The following DNAH17 variants were observed in gnomAD, a reference collection of about 807,000 sequenced individuals.
DNAH17 encodes axonemal beta dynein heavy chain 17.
A neutral mutation model predicts 485.6 loss-of-function variants in DNAH17; 376 were observed. The ratio of observed to expected loss-of-function variants is 0.77; its 90% CI spans 0.71 to 0.84. DNAH17 has a LOEUF of 0.84. DNAH17 is among the 40% of genes least tolerant of loss of function. The probability of loss-of-function intolerance (pLI) is 0.00; values close to 1 mark genes in which losing one functional copy is unlikely to be tolerated. For missense variants in DNAH17, 6,370 were observed against 5,839.3 expected (o/e 1.09, Z -2.96); for synonymous variants, 3,031 against 2,405.9 (o/e 1.26, Z -7.60).
chr17:78,549,994 C>T (rs2091862683), intron 16 of DNAH17, among the ~76,000 whole-genome samples: 1 of 152,112 alleles, frequency 6.6e-6, no homozygotes, highest in African/African-American at 2.4e-5. Flanking sequence ...GACAGAGACC[C>T]CTTGGCATGA....
In DNAH17 at chr17:78,552,791, C is replaced by CA. The variant is rs762293291; in HGVS notation, c.2192dup (p.Lys732GlufsTer16). On this transcript the variant is annotated frameshift_variant, in exon 15 of 81. Transcript: ENST00000389840. LOFTEE classifies it high-confidence loss of function. ...TTATTAGTAGAAATTCTACTGCCTT[C>CA]ACTATAGTCTTTATCTGAAAAACAG... The CA allele has an allele frequency of 9.9e-6, 16 of 1,610,496 alleles. No individual in the cohort carries two copies. The highest frequency in any genetic ancestry group is 1.4e-5 in the Non-Finnish European group (16 of 1,176,684).
rs572110396 is a variant in DNAH17 at position 78,507,562 on chromosome 17, G to T, written c.4480C>A (p.Arg1494=). ...SVISIWFEVQ[R]TWSHLESIFI... ...ATGCTCTCCAGGTGGCTCCAGGTTC[G>T]CTGGACCTCAAACCAGATGGAGATG... Residue 1494 remains arginine (R), a synonymous_variant, in exon 28 of 81, where the codon CGA becomes AGA. Transcript: ENST00000389840. The T allele has an allele frequency of 1.2e-6, 2 of 1,614,032 alleles. No homozygotes were observed. Among genetic ancestry groups the T allele is most frequent in the African/African-American group, 1.3e-5 (1 of 75,052 alleles).
intron 16 of DNAH17, among the ~76,000 whole-genome samples, chr17:78,546,222 G>A (rs1040960194): frequency 1.3e-4 from 20 of 152,152 alleles, no homozygotes; most frequent in African/African-American, 2.7e-4. Context: ...CATTGAGCTC[G>A]GCTGTGAGAA....
At chr17:78,542,995 C>T (rs926936867) in intron 17 of DNAH17, among the ~76,000 whole-genome samples, 4 of 152,176 alleles carry the variant, frequency 2.6e-5, no homozygotes, top group Non-Finnish European at 5.9e-5. Context: ...TTGTGCTGGG[C>T]GAGGGCTCTG....
At chr17:78,550,282 T>C (rs1213784123) in intron 16 of DNAH17, among the ~76,000 whole-genome samples, 1 of 18,122 alleles carries the variant, frequency 5.5e-5, no homozygotes, top group East Asian at 1.4e-3. Context: ...AACGAAGAAC[T>C]CTGCACGCCC....
At position 78,568,440 on chromosome 17, in the gene DNAH17, CTTT is replaced by C. The variant is rs370677978; in HGVS notation, c.1284+723_1284+725del. Among the ~76,000 whole-genome samples the C allele has an allele frequency of 3.3e-3, 496 of 152,228 alleles. 3 individuals carry two copies. Among genetic ancestry groups the C allele is most frequent in the African/African-American group, 0.012 (479 of 41,520 alleles). ...TTTACAGTTCCAGGATGATTTTCCC[CTTT>C]TTTAAGGATGTGAGTTATACAGTTA... is the stretch of plus-strand genomic sequence containing the variant. On this transcript the variant is annotated intron_variant, in intron 9 of 80. Transcript: ENST00000389840.
chr17:78,501,301 T>C lies in DNAH17; in HGVS notation c.5366A>G (p.His1789Arg). ...GTGTCGCTTCTCTTCGTCCCAGCGA[T>C]GCCGGAGCTGGGCCTGCCAGGTGAA... ...QAFTWQAQLRHRWDEEKRHCF... is the reference protein window; with the variant it reads ...QAFTWQAQLRRRWDEEKRHCF... The change falls in exon 35 of 81, where the codon CAT (histidine) becomes CGT (arginine). Residue 1789 changes from histidine (H) to arginine (R), a missense_variant. Coordinates refer to ENST00000389840, the MANE Select transcript of DNAH17 (RefSeq NM_173628.4). The C allele has an allele frequency of 6.2e-7, 1 of 1,606,004 alleles. No individual in the cohort carries two copies. The highest frequency in any genetic ancestry group is 1.1e-5 in the South Asian group (1 of 90,734).
intron 22 of DNAH17, 102 bp downstream of exon 22, chr17:78,529,370 C>A (rs1645858306): frequency 1.7e-6 from 2 of 1,154,506 alleles, no homozygotes; most frequent in Middle Eastern, 4.2e-4. Context: ...GGATCTAGCC[C>A]ACAGCATCCC....
At chr17:78,573,057 T>TG (rs1446357963) in intron 2 of DNAH17, among the ~76,000 whole-genome samples, 163 bp from the exon 3 acceptor site, 2 of 152,002 alleles carry the variant, frequency 1.3e-5, no homozygotes, top group African/African-American at 4.8e-5. Context: ...AAAGACCTGG[T>TG]GTCTGGAGCC....
At chr17:78,429,397 C>G (rs904007222) in intron 75 of DNAH17, 97 bp from the exon 76 acceptor site, 1 of 1,355,912 alleles carries the variant, frequency 7.4e-7, no homozygotes, top group Non-Finnish European at 1.0e-6. Flanking sequence ...GGGAACCCAG[C>G]CATTGGTGCT....
rs2146512201 is a variant in DNAH17 at position 78,455,904 on chromosome 17, A to G, written c.9978-68T>C. 4 of 1,261,924 alleles carry G rather than the reference A, an allele frequency of 3.2e-6. 1 individual carries two copies. The highest frequency in any genetic ancestry group is 4.2e-4 in the Middle Eastern group (2 of 4,802). 78.2% of individuals were successfully genotyped at this position (1,261,924 alleles called of 1,614,324 possible). A position where few individuals can be genotyped will look rare whatever the true frequency, so the allele number is the denominator to read the frequency against. On this transcript the variant is annotated intron_variant, in intron 62 of 80. Coordinates refer to ENST00000389840, the MANE Select transcript of DNAH17 (RefSeq NM_173628.4). ...AGGGGACTGGACCAGACAAGCCTCC[A>G]CCTCTGCACCTCTGTGAATCTTCAG...
At chr17:78,432,487 CCTGCTACTCCAGGGCTGGTGT>C (rs2086711044) in intron 75 of DNAH17, among the ~76,000 whole-genome samples, 1 of 152,238 alleles carries the variant, frequency 6.6e-6, no homozygotes, top group Non-Finnish European at 1.5e-5. Flanking sequence ...AGTTCTGCTC[CCTGCTACTCCAGGGCTGGTGT>C]GCCTCCCAGG....
chr17:78,576,028 CT>C (rs930347378), intron 1 of DNAH17, among the ~76,000 whole-genome samples: 18 of 152,200 alleles, frequency 1.2e-4, no homozygotes, highest in African/African-American at 4.3e-4. Context: ...AGGTATGCAG[CT>C]CCTGAATTTC....
chr17:78,436,843 TCCAA>T (rs939942977), intron 74 of DNAH17, among the ~76,000 whole-genome samples: 7 of 73,732 alleles, frequency 9.5e-5, no homozygotes, highest in African/African-American at 3.1e-4. Flanking sequence ...AGACTCCATC[TCCAA>T]ACAAACAAAC....
intron 49 of DNAH17, among the ~76,000 whole-genome samples, chr17:78,480,362 A>C (rs2089297681): frequency 6.6e-6 from 1 of 151,976 alleles, no homozygotes; most frequent in African/African-American, 2.4e-5. Context: ...ACAAAAACAA[A>C]ACAACAAAAA....
intron 78 of DNAH17, 75 bp from the exon 79 acceptor site, chr17:78,426,675 G>A (rs542562231): frequency 6.6e-7 from 1 of 1,523,842 alleles, no homozygotes; most frequent in Admixed American, 2.1e-5. Context: ...TGCGTGTCAT[G>A]AGTTGTCAAC....
chr17:78,494,297 C>T (rs1172241199), intron 40 of DNAH17, 124 bp from the exon 41 acceptor site: 17 of 1,367,626 alleles, frequency 1.2e-5, no homozygotes, highest in African/African-American at 2.9e-5. Context: ...CTCCGATGCA[C>T]GTGCGTCTGC....
chr17:78,567,000 G>A lies in DNAH17; in HGVS notation c.1451C>T (p.Ser484Leu), dbSNP rs144333252. ...CKYDPLDPGD[S>L]NFDRDYADFE... The stretch of plus-strand genomic sequence containing the variant: ...ATCCAACCCTGCCCGAGGACCTACC[G>A]AGTCTCCAGGGTCCAAGGGATCATA... The change falls in exon 10 of 81, where the codon TCG becomes TTG. Residue 484 changes from serine to leucine, a missense_variant and splice_region_variant. Transcript: ENST00000389840. 51 of 1,609,290 alleles carry A rather than the reference G, an allele frequency of 3.2e-5. No individual in the cohort carries two copies. The African/African-American group carries it at 4.0e-4, about 13-fold the overall frequency.
At chr17:78,449,659 G>A in intron 68 of DNAH17, 75 bp from the exon 69 acceptor site, 1 of 1,420,844 alleles carries the variant, frequency 7.0e-7, no homozygotes. Flanking sequence ...ACCACTCCCT[G>A]CCACCTGTGG....
Sources: allele counts gnomAD v4.1 joint callset (sites outside exome capture counted in the v4.1 genomes callset), GRCh38; gene constraint gnomAD v4.1.1; transcripts MANE v1.5; gene names NCBI Gene and HGNC (gene_info 2026-07-23, HGNC 2026-07-21).